Variants in UNC5D observed in about 807,000 individuals in gnomAD.
UNC5D encodes netrin receptor UNC5D.
In UNC5D, 39 loss-of-function variants were observed where a neutral mutation model predicts 105.4. The observed-to-expected ratio is 0.37, with a 90% confidence interval of 0.29 to 0.48. UNC5D has a LOEUF of 0.48. Ranked by LOEUF, UNC5D falls within the 20% of genes least tolerant of loss-of-function variation. The pLI is 0.98. For missense variants in UNC5D, 991 were observed against 1,202.4 expected (o/e 0.82, Z 2.60); for synonymous variants, 452 against 450.4 (o/e 1.00, Z -0.04).
At chr8:35,788,243 T>C (rs184529045) in intron 16 of UNC5D, among the ~76,000 whole-genome samples, 198 of 152,052 alleles carry the variant, frequency 1.3e-3, no homozygotes, top group Middle Eastern at 3.4e-3. Context: ...TGGCAACGCG[T>C]CCTTAAAAGC....
At chr8:35,674,919 A>G (rs17270035) in intron 4 of UNC5D, among the ~76,000 whole-genome samples, 3,703 of 152,286 alleles carry the variant, frequency 0.024, 64 homozygotes, top group Non-Finnish European at 0.037. Context: ...GGGAGTGATC[A>G]TGTTGTGAAC....
intron 1 of UNC5D, among the ~76,000 whole-genome samples, chr8:35,296,034 A>G (rs1019328627): frequency 6.6e-6 from 1 of 152,202 alleles, no homozygotes; most frequent in East Asian, 1.9e-4. Flanking sequence ...ATAATATTTC[A>G]TTGTAAATTT....
At chr8:35,254,918 A>C (rs1053982404) in intron 1 of UNC5D, 3 of 152,192 alleles carry the variant, frequency 2.0e-5, no homozygotes, top group Non-Finnish European at 4.4e-5. Flanking sequence ...AAAGAAGCAA[A>C]AATTTTTGAA....
intron 8 of UNC5D, among the ~76,000 whole-genome samples, chr8:35,710,882 T>A (rs56385636): frequency 0.028 from 4,255 of 151,730 alleles, 216 homozygotes; most frequent in African/African-American, 0.097. Flanking sequence ...CTAAAACAAA[T>A]CCTGATCACA....
intron 2 of UNC5D, among the ~76,000 whole-genome samples, chr8:35,558,471 C>A (rs987981748): frequency 5.9e-5 from 9 of 152,092 alleles, no homozygotes; most frequent in Admixed American, 5.2e-4. Context: ...ATGTGTTATT[C>A]AAAATATGAG....
At chr8:35,712,256 G>C (rs567765708) in intron 8 of UNC5D, among the ~76,000 whole-genome samples, 9 of 152,190 alleles carry the variant, frequency 5.9e-5, no homozygotes, top group Non-Finnish European at 5.9e-5. Context: ...GGACGACAGA[G>C]TGAGACTCCA....
intron 7 of UNC5D, among the ~76,000 whole-genome samples, chr8:35,705,597 T>C (rs542300999): frequency 2.0e-5 from 3 of 152,178 alleles, no homozygotes; most frequent in Non-Finnish European, 2.9e-5. Context: ...AGGCTTCTGG[T>C]TGTATATAAT....
At position 35,482,306 on chromosome 8, in the gene UNC5D, A is replaced by C. The variant is rs1216177001; in HGVS notation, c.104-66986A>C. Among the ~76,000 whole-genome samples the C allele has an allele frequency of 6.6e-5, 10 of 152,198 alleles. No homozygotes were observed. The East Asian group carries it at 1.9e-3, about 29-fold the overall frequency. ...ATGCAGTATCTGACACAAAGTAAGC[A>C]CACAAAAAATGCTAGGTATTACTAT... On this transcript the variant is annotated intron_variant, in intron 1 of 16. Coordinates refer to ENST00000404895, the MANE Select transcript of UNC5D (RefSeq NM_080872.4).
intron 1 of UNC5D, among the ~76,000 whole-genome samples, chr8:35,248,811 T>G (rs1298268448): frequency 1.0e-5 from 1 of 97,050 alleles, no homozygotes; most frequent in Non-Finnish European, 1.8e-5. Context: ...ATATAATATA[T>G]AATATATATA....
At chr8:35,459,706 C>G (rs1808754156) in intron 1 of UNC5D, among the ~76,000 whole-genome samples, 1 of 152,148 alleles carries the variant, frequency 6.6e-6, no homozygotes, top group Non-Finnish European at 1.5e-5. Context: ...TTAAATCATA[C>G]TTCATTATGG....
At chr8:35,323,901 G>A (rs561176036) in intron 1 of UNC5D, among the ~76,000 whole-genome samples, 31 of 152,178 alleles carry the variant, frequency 2.0e-4, no homozygotes, top group African/African-American at 5.8e-4. Flanking sequence ...GCTCTTAAGA[G>A]CGTGTCCTGT....
At chr8:35,445,916 C>G (rs1807755082) in intron 1 of UNC5D, among the ~76,000 whole-genome samples, 1 of 151,968 alleles carries the variant, frequency 6.6e-6, no homozygotes, top group Non-Finnish European at 1.5e-5. Flanking sequence ...GAAAATTGAA[C>G]TGGTGGCCAT....
At position 35,396,560 on chromosome 8, in the gene UNC5D, C is replaced by T. The variant is rs141656335; in HGVS notation, c.104-152732C>T. ...TCTCCCAGGCTGGAATGCAGTGGTG[C>T]GATCTCAGCTCACTGCAACCTGTGT... On this transcript the variant is annotated intron_variant, in intron 1 of 16. Coordinates refer to ENST00000404895, the MANE Select transcript of UNC5D (RefSeq NM_080872.4). Among the ~76,000 whole-genome samples the T allele has an allele frequency of 2.7e-3, 406 of 151,692 alleles. 2 individuals are homozygous for T. The highest frequency in any genetic ancestry group is 9.1e-3 in the African/African-American group (376 of 41,344).
chr8:35,249,373 C>T (rs937800740), intron 1 of UNC5D, among the ~76,000 whole-genome samples: 5 of 149,324 alleles, frequency 3.3e-5, no homozygotes, highest in African/African-American at 1.2e-4. Context: ...GAGTGGCTAA[C>T]ATGGCGAAAC....
At chr8:35,507,022 T>G (rs1351744883) in intron 1 of UNC5D, among the ~76,000 whole-genome samples, 1 of 151,956 alleles carries the variant, frequency 6.6e-6, no homozygotes, top group Non-Finnish European at 1.5e-5. Flanking sequence ...AGGTAAGTTC[T>G]TTTTGCAGGC....
chr8:35,775,432 C>T (rs1802200860), intron 16 of UNC5D, among the ~76,000 whole-genome samples: 1 of 152,090 alleles, frequency 6.6e-6, no homozygotes. Context: ...TGATGCTCTT[C>T]AGGGCAACAC....
chr8:35,786,160 G>A (rs753551268), intron 16 of UNC5D, among the ~76,000 whole-genome samples: 16 of 152,050 alleles, frequency 1.1e-4, no homozygotes, highest in Non-Finnish European at 2.4e-4. Flanking sequence ...CTCACAATAG[G>A]ATGTCTGTTA....
Position 35,288,991 on chromosome 8 carries a change from C to T in UNC5D, c.103+53104C>T, listed in dbSNP as rs139709497. On this transcript the variant is annotated intron_variant, in intron 1 of 16. Transcript: ENST00000404895. ...GAAACAAATTACAAAAAGACAGTAG[C>T]AGGTTCTTACCTATCAATAATTACC... Among the ~76,000 whole-genome samples, 21 of 152,248 alleles carry T rather than the reference C, an allele frequency of 1.4e-4. No homozygotes were observed. The East Asian group carries it at 3.7e-3, about 27-fold the overall frequency.
intron 1 of UNC5D, among the ~76,000 whole-genome samples, chr8:35,492,240 T>G (rs1811262353): frequency 6.6e-6 from 1 of 152,112 alleles, no homozygotes; most frequent in African/African-American, 2.4e-5. Flanking sequence ...TAATAATCAC[T>G]AAGCTCTGAG....
Sources: gnomAD v4.1 joint callset for allele counts (sites outside exome capture counted in the v4.1 genomes callset) on GRCh38, gnomAD v4.1.1 for gene constraint, MANE v1.5 for transcripts, NCBI Gene and HGNC (gene_info 2026-07-23, HGNC 2026-07-21) for gene names.